KIF23: variants seen among roughly 807,000 people sequenced by gnomAD.
KIF23 encodes the protein kinesin family member 23, also known as kinesin-like protein KIF23.
A neutral mutation model predicts 137.5 loss-of-function variants in KIF23; 30 were observed. That is an observed-to-expected ratio of 0.22 (90% CI 0.16 to 0.30). The LOEUF (loss-of-function observed/expected upper bound fraction) is 0.30. KIF23 is among the 10% of genes least tolerant of loss of function. KIF23 has a pLI of 1.00. For missense variants in KIF23, 920 were observed against 1,194.3 expected (o/e 0.77, Z 3.38); for synonymous variants, 367 against 391.1 (o/e 0.94, Z 0.73).
chr15:69,441,964 G>T lies in KIF23; in HGVS notation c.2421+885G>T, dbSNP rs138969152. Reference sequence around the variant, plus strand: ...TTCAGTAGAGACAAGGTCTCACCATGTTGCCCAGGCTGGTATTGAACTCTT... The same window carrying T: ...TTCAGTAGAGACAAGGTCTCACCATTTTGCCCAGGCTGGTATTGAACTCTT... On this transcript the variant is annotated intron_variant, in intron 19 of 23. Coordinates refer to ENST00000679126, the MANE Select transcript of KIF23 (RefSeq NM_001367805.3). Among the ~76,000 whole-genome samples the T allele has an allele frequency of 4.9e-3, 748 of 152,060 alleles. 8 individuals carry two copies. Among genetic ancestry groups the T allele is most frequent in the African/African-American group, 0.018 (726 of 41,478 alleles).
chr15:69,438,730 G>A (rs2057541510), intron 16 of KIF23, among the ~76,000 whole-genome samples: 2 of 152,116 alleles, frequency 1.3e-5, no homozygotes, highest in Admixed American at 1.3e-4. Flanking sequence ...GAACTGGGGA[G>A]GTGGAGGTTG....
In KIF23 at chr15:69,446,374, A is replaced by T. The variant is rs776541284; in HGVS notation, c.2838+10A>T. ...CGATGTAGAAACAAGGGTAGGGGAA[A>T]AATTAAATATTTGTCTGCCTACTAA... On this transcript the variant is annotated intron_variant, in intron 22 of 23. Coordinates refer to ENST00000679126, the MANE Select transcript of KIF23 (RefSeq NM_001367805.3). 1 of 1,607,564 alleles carries T rather than the reference A, an allele frequency of 6.2e-7. No individual in the cohort carries two copies. The highest frequency in any genetic ancestry group is 1.1e-5 in the South Asian group (1 of 90,790).
intron 1 of KIF23, among the ~76,000 whole-genome samples, chr15:69,415,320 A>C (rs2056871251): frequency 6.6e-6 from 1 of 152,218 alleles, no homozygotes; most frequent in African/African-American, 2.4e-5. Context: ...TTCATCTGAG[A>C]ATATGTTTGG....
chr15:69,421,958 A>G (rs772638653), intron 4 of KIF23, 34 bp from the exon 5 acceptor site: 26 of 1,607,254 alleles, frequency 1.6e-5, no homozygotes, highest in Non-Finnish European at 2.2e-5. Flanking sequence ...GAGAACTTCT[A>G]AGATATAACT....
At chr15:69,433,632 C>T (rs2057405038) in intron 11 of KIF23, among the ~76,000 whole-genome samples, 1 of 152,158 alleles carries the variant, frequency 6.6e-6, no homozygotes, top group African/African-American at 2.4e-5. Flanking sequence ...AAGCCTCAAC[C>T]CATCTGTGTA....
At chr15:69,434,523 G>A in intron 11 of KIF23, 1 of 777,036 alleles carries the variant, frequency 1.3e-6, no homozygotes, top group Non-Finnish European at 2.2e-6. Context: ...ATGCCAGCCT[G>A]GATCTCATAG....
Position 69,417,432 on chromosome 15 carries a change from T to G in KIF23, c.131T>G (p.Ile44Arg). The G allele has an allele frequency of 6.2e-7, 1 of 1,613,912 alleles. No homozygotes were observed. Among genetic ancestry groups the G allele is most frequent in the Non-Finnish European group, 8.5e-7 (1 of 1,179,866 alleles). Residue 44 changes from isoleucine to arginine, a missense_variant, in exon 3 of 24, where the codon ATA becomes AGA. By Grantham distance (97) the Ile-to-Arg change is moderately conservative. This residue lies in a region of KIF23 where 124 missense variants were observed against 122.0 expected (regional missense o/e 1.02). Transcript: ENST00000679126. Reference sequence around the variant, plus strand: ...GGCTTTCCTGATCAAGAGTGTTGCATAGAAGTGATCAATAATACAACTGTT... The same window carrying G: ...GGCTTTCCTGATCAAGAGTGTTGCAGAGAAGTGATCAATAATACAACTGTT... ...PLGFPDQECC[I>R]EVINNTTVQL...
rs373766712 is a variant in KIF23 at position 69,436,617 on chromosome 15, G to A, written c.1492G>A (p.Glu498Lys). The change falls in exon 15 of 24, where the codon GAA (glutamate) becomes AAA (lysine). Residue 498 changes from glutamate to lysine, a missense_variant. Coordinates refer to ENST00000679126, the MANE Select transcript of KIF23 (RefSeq NM_001367805.3). ...LQSFPPLPSC[E>K]ILDINDEQTL... Reference sequence around the variant, plus strand: ...GAGTTTTCCACCTTTGCCATCATGCGAAATTTTGGATATCAACGATGAGCA... The same window carrying A: ...GAGTTTTCCACCTTTGCCATCATGCAAAATTTTGGATATCAACGATGAGCA... The A allele has an allele frequency of 4.2e-5, 68 of 1,612,546 alleles. No homozygotes were observed. Among genetic ancestry groups the A allele is most frequent in the Admixed American group, 6.7e-5 (4 of 59,980 alleles).
intron 11 of KIF23, among the ~76,000 whole-genome samples, chr15:69,432,767 G>C (rs2057386587): frequency 6.6e-6 from 1 of 152,178 alleles, no homozygotes; most frequent in Non-Finnish European, 1.5e-5. Context: ...ATACCTTAAA[G>C]ACACAGCAGC....
At chr15:69,422,487 C>T (rs143168640) in intron 6 of KIF23, 52 bp downstream of exon 6, 1 of 1,053,894 alleles carries the variant, frequency 9.5e-7, no homozygotes, top group East Asian at 2.4e-5. Context: ...AGGATTCTTT[C>T]CTGTGGTTTG....
chr15:69,425,295 A>G lies in KIF23; in HGVS notation c.748A>G (p.Ser250Gly). Residue 250 changes from serine (S) to glycine (G), a missense_variant, in exon 8 of 24, where the codon AGC becomes GGC. Transcript: ENST00000679126. ...DPIKPKWNSCSTPMRNTDFVP... is the reference protein window; with the variant it reads ...DPIKPKWNSCGTPMRNTDFVP... ...TTCCTTTGGTAGGTGGAACAGTTGCAGCACACCCATGAGGAACACAGATTT... is the reference window on the plus strand; with the variant it reads ...TTCCTTTGGTAGGTGGAACAGTTGCGGCACACCCATGAGGAACACAGATTT... 3 of 1,536,012 alleles carry G rather than the reference A, an allele frequency of 2.0e-6. No homozygotes were observed. The highest frequency in any genetic ancestry group is 2.6e-6 in the Non-Finnish European group (3 of 1,146,828).
Position 69,440,478 on chromosome 15 carries a change from A to G in KIF23, c.2100A>G (p.Ser700=), listed in dbSNP as rs200713866. Residue 700 remains serine, a synonymous_variant, in exon 18 of 24, where the codon TCA becomes TCG. Coordinates refer to ENST00000679126, the MANE Select transcript of KIF23 (RefSeq NM_001367805.3). ...TTACTCAAAGATCTGTTTCTCCATC[A>G]CCTGTGCCTGTAAGTTATTTGTAAT... is the stretch of plus-strand genomic sequence containing the variant. The part of the protein sequence containing the change: ...EKVTQRSVSP[S]PVPLSSNYIA... 1.9e-6 allele frequency: 3 copies of G among 1,608,156 alleles called. No individual in the cohort carries two copies. Among genetic ancestry groups the G allele is most frequent in the Admixed American group, 1.7e-5 (1 of 58,864 alleles).
intron 14 of KIF23, 71 bp from the exon 15 acceptor site, chr15:69,436,493 G>T (rs2057484377): frequency 7.3e-7 from 1 of 1,363,466 alleles, no homozygotes; most frequent in East Asian, 2.3e-5. Flanking sequence ...GCTGTATGCA[G>T]TGTTAAACTT....
At chr15:69,432,202 A>G (rs1255206743) in intron 11 of KIF23, among the ~76,000 whole-genome samples, 1 of 97,554 alleles carries the variant, frequency 1.0e-5, no homozygotes, top group Non-Finnish European at 2.0e-5. Flanking sequence ...TAGTGTTAAT[A>G]TAGAGTTAGG....
intron 13 of KIF23, 93 bp downstream of exon 13, chr15:69,435,864 A>T: frequency 6.7e-7 from 1 of 1,485,404 alleles, no homozygotes; most frequent in Non-Finnish European, 9.2e-7. Flanking sequence ...ATATTTTAAA[A>T]ATGGATAGAG....
chr15:69,436,297 GGTCT>G (rs761589003), intron 14 of KIF23, 36 bp downstream of exon 14: 38 of 1,592,166 alleles, frequency 2.4e-5, no homozygotes, highest in African/African-American at 1.1e-4. Context: ...TCCACTCATT[GGTCT>G]GTCTGTTTCT....
At chr15:69,435,436 A>C (rs1304605051) in intron 11 of KIF23, 47 bp from the exon 12 acceptor site, 1 of 1,421,042 alleles carries the variant, frequency 7.0e-7, no homozygotes, top group South Asian at 1.2e-5. Context: ...CACTTTAGCT[A>C]CTATACTGTT....
intron 1 of KIF23, 26 bp downstream of exon 1, chr15:69,414,502 A>G (rs2056835713): frequency 1.9e-6 from 3 of 1,565,462 alleles, no homozygotes; most frequent in Admixed American, 1.8e-5. Context: ...CCGAGCAGGG[A>G]GAGAGGGCGG....
At chr15:69,414,666 C>A in intron 1 of KIF23, 190 bp downstream of exon 1, 1 of 560,814 alleles carries the variant, frequency 1.8e-6, no homozygotes, top group Non-Finnish European at 2.8e-6. Context: ...AGCCTGGGCG[C>A]GGAGACCCCT....
Sources: allele counts gnomAD v4.1 joint callset (sites outside exome capture counted in the v4.1 genomes callset), GRCh38; gene constraint gnomAD v4.1.1; regional missense constraint gnomAD v4.1.1; transcripts MANE v1.5; gene names NCBI Gene and HGNC (gene_info 2026-07-23, HGNC 2026-07-21).